Variants in ITGA8 observed in about 807,000 individuals in gnomAD.
ITGA8 encodes the protein integrin subunit alpha 8, also known as integrin alpha-8.
In ITGA8, 91 loss-of-function variants were observed where a neutral mutation model predicts 142.3. That is an observed-to-expected ratio of 0.64 (90% CI 0.54 to 0.76). ITGA8 has a LOEUF of 0.76. Ranked by LOEUF, ITGA8 falls within the 30% of genes least tolerant of loss-of-function variation. The pLI is 0.00. For missense variants in ITGA8, 1,406 were observed against 1,327.7 expected (o/e 1.06, Z -0.92); for synonymous variants, 505 against 485.2 (o/e 1.04, Z -0.54).
At chr10:15,553,407 T>G (rs1833828139) in intron 26 of ITGA8, among the ~76,000 whole-genome samples, 2 of 152,144 alleles carry the variant, frequency 1.3e-5, no homozygotes, top group African/African-American at 4.8e-5. Flanking sequence ...GCTCATTATA[T>G]TTTTCTGTCC....
At chr10:15,657,715 A>C (rs1304983975) in intron 10 of ITGA8, among the ~76,000 whole-genome samples, 1 of 151,750 alleles carries the variant, frequency 6.6e-6, no homozygotes, top group Non-Finnish European at 1.5e-5. Context: ...TCTCCAGGCA[A>C]TCGATTTTTC....
intron 13 of ITGA8, among the ~76,000 whole-genome samples, chr10:15,617,117 A>G (rs1833408151): frequency 6.6e-6 from 1 of 152,274 alleles, no homozygotes; most frequent in Non-Finnish European, 1.5e-5. Context: ...GACAACAGCA[A>G]TCCTAATAAA....
At chr10:15,520,658 C>G (rs971289859) in intron 28 of ITGA8, among the ~76,000 whole-genome samples, 2 of 152,214 alleles carry the variant, frequency 1.3e-5, no homozygotes, top group African/African-American at 4.8e-5. Context: ...AGAGACCCAG[C>G]CATGCTGCTA....
At chr10:15,698,697 A>T (rs548913080) in intron 2 of ITGA8, among the ~76,000 whole-genome samples, 1 of 152,062 alleles carries the variant, frequency 6.6e-6, no homozygotes, top group Non-Finnish European at 1.5e-5. Context: ...CTTCTTGGCC[A>T]TTTGTATATC....
chr10:15,671,854 A>T (rs1473687224), intron 7 of ITGA8, among the ~76,000 whole-genome samples: 1 of 146,260 alleles, frequency 6.8e-6, no homozygotes, highest in African/African-American at 2.5e-5. Flanking sequence ...ATAATAGATT[A>T]TCTACTACTT....
At chr10:15,533,295 C>T (rs1833349953) in intron 27 of ITGA8, among the ~76,000 whole-genome samples, 1 of 152,176 alleles carries the variant, frequency 6.6e-6, no homozygotes, top group African/African-American at 2.4e-5. Flanking sequence ...CTCCTACCCT[C>T]CAGAATAAAC....
rs751824845 is a variant in ITGA8 at position 15,687,978 on chromosome 10, C to G, written c.404G>C (p.Trp135Ser). 3.7e-6 allele frequency: 6 copies of G among 1,613,768 alleles called. No homozygotes were observed. The East Asian group carries it at 1.3e-4, about 36-fold the overall frequency. Residue 135 changes from tryptophan (W) to serine (S), a missense_variant, in exon 3 of 30, where the codon TGG becomes TCG. By Grantham distance (177) the Trp-to-Ser change is radical. Coordinates refer to ENST00000378076, the MANE Select transcript of ITGA8 (RefSeq NM_003638.3). ...KEPIEFKSNQWFGATVKAHKG... is the reference protein window; with the variant it reads ...KEPIEFKSNQSFGATVKAHKG... ...GTGAGCTTTCACTGTTGCTCCAAAC[C>G]ACTGATTGGATTTGAACTCGATAGG...
chr10:15,711,610 T>C (rs1030650016), intron 2 of ITGA8, among the ~76,000 whole-genome samples: 6 of 152,118 alleles, frequency 3.9e-5, no homozygotes, highest in African/African-American at 1.4e-4. Context: ...GGCAGTCATG[T>C]ATCCCCCACC....
chr10:15,701,379 A>G (rs1835160351), intron 2 of ITGA8, among the ~76,000 whole-genome samples: 2 of 152,252 alleles, frequency 1.3e-5, no homozygotes, highest in Admixed American at 6.5e-5. Flanking sequence ...GAAAAGATGT[A>G]TAAGTCAACC....
rs926516154 is a variant in ITGA8, at chr10:15,677,589, T to C, written c.676+3A>G. The C allele has an allele frequency of 2.5e-6, 4 of 1,613,122 alleles. No homozygotes were observed. The highest frequency in any genetic ancestry group is 3.4e-6 in the Non-Finnish European group (4 of 1,179,520). On this transcript the variant is annotated splice_donor_region_variant and intron_variant, in intron 6 of 29. Coordinates refer to ENST00000378076, the MANE Select transcript of ITGA8 (RefSeq NM_003638.3). The stretch of plus-strand genomic sequence containing the variant: ...GCTTTTCTTGTCTGCCAACAGAACA[T>C]ACCTTGCCAGTAGAAACTCCCAGGT...
Position 15,547,715 on chromosome 10 carries a change from G to A in ITGA8, c.2880+740C>T, listed in dbSNP as rs554909935. On this transcript the variant is annotated intron_variant, in intron 27 of 29. Transcript: ENST00000378076. ...GGAACTTGGCTGAGGTGCTGTCCTGGTTGGAGCCCATGCTGCAGGACCACT... is the reference window on the plus strand; with the variant it reads ...GGAACTTGGCTGAGGTGCTGTCCTGATTGGAGCCCATGCTGCAGGACCACT... 4.6e-5 allele frequency among the ~76,000 whole-genome samples: 7 copies of A among 152,338 alleles called. No homozygotes were observed. The East Asian group carries it at 1.2e-3, about 25-fold the overall frequency.
At chr10:15,696,285 A>G (rs1835051370) in intron 2 of ITGA8, among the ~76,000 whole-genome samples, 2 of 152,236 alleles carry the variant, frequency 1.3e-5, no homozygotes, top group Non-Finnish European at 2.9e-5. Context: ...AAAAGCTTTT[A>G]TAGTGACTGC....
chr10:15,664,051 C>G (rs980117270), intron 8 of ITGA8, among the ~76,000 whole-genome samples: 21 of 152,150 alleles, frequency 1.4e-4, no homozygotes, highest in Non-Finnish European at 2.6e-4. Context: ...TTTTAGATAT[C>G]AGGCCTTGCA....
At chr10:15,518,340 T>C (rs1309289516) in intron 29 of ITGA8, among the ~76,000 whole-genome samples, 2 of 152,216 alleles carry the variant, frequency 1.3e-5, no homozygotes, top group Non-Finnish European at 2.9e-5. Flanking sequence ...TTGTATCTTA[T>C]ACTCATTGGA....
intron 25 of ITGA8, among the ~76,000 whole-genome samples, chr10:15,569,087 G>A (rs968613729): frequency 2.6e-5 from 4 of 152,168 alleles, no homozygotes; most frequent in Admixed American, 1.3e-4. Flanking sequence ...CATTTTTCCA[G>A]TGGGAAGTGG....
chr10:15,637,371 A>G (rs759085072), intron 13 of ITGA8, among the ~76,000 whole-genome samples: 1 of 152,314 alleles, frequency 6.6e-6, no homozygotes, highest in Middle Eastern at 3.4e-3. Flanking sequence ...AGGTATTATC[A>G]GCCCCATCAT....
intron 25 of ITGA8, among the ~76,000 whole-genome samples, chr10:15,566,806 T>C (rs10906928): frequency 0.51 from 65,088 of 127,570 alleles, 17,145 homozygotes; most frequent in Admixed American, 0.62. Context: ...AGTGAGACCT[T>C]GTCTTAAAAA....
intron 13 of ITGA8, among the ~76,000 whole-genome samples, chr10:15,635,280 T>C (rs1335112506): frequency 6.6e-6 from 1 of 152,152 alleles, no homozygotes; most frequent in Admixed American, 6.5e-5. Flanking sequence ...GCTGGGATTA[T>C]AGGCATAAGC....
chr10:15,579,049 T>C (rs971646225), intron 23 of ITGA8, among the ~76,000 whole-genome samples: 4 of 152,068 alleles, frequency 2.6e-5, no homozygotes, highest in Non-Finnish European at 5.9e-5. Context: ...ATAAATTACA[T>C]CAGAATAAAC....
Sources: allele counts gnomAD v4.1 joint callset (sites outside exome capture counted in the v4.1 genomes callset), GRCh38; gene constraint gnomAD v4.1.1; transcripts MANE v1.5; gene names NCBI Gene and HGNC (gene_info 2026-07-23, HGNC 2026-07-21).